Variants in RNF213 observed in about 807,000 individuals in gnomAD.
The protein encoded by RNF213 is E3 ubiquitin-protein ligase RNF213.
Under a neutral mutation model 514.4 loss-of-function variants are expected in RNF213, and 341 were observed. The ratio of observed to expected loss-of-function variants is 0.66; its 90% CI spans 0.61 to 0.73. The LOEUF is 0.73. Ranked by LOEUF, RNF213 falls within the 30% of genes least tolerant of loss-of-function variation. RNF213 has a pLI of 0.00. For synonymous variants in RNF213, 2,655 were observed against 2,658.2 expected, an observed-to-expected ratio of 1.00 and a Z score of 0.04; for missense variants, 5,767 against 6,615.6, an observed-to-expected ratio of 0.87 and a Z score of 4.45.
intron 49 of RNF213, 44 bp from the exon 50 acceptor site, chr17:80,374,414 A>G: frequency 2.5e-6 from 4 of 1,613,484 alleles, no homozygotes; most frequent in Non-Finnish European, 3.4e-6. Context: ...TCTTTGCAAG[A>G]CATTCCTCCC....
intron 37 of RNF213, among the ~76,000 whole-genome samples, chr17:80,358,843 A>G (rs967112892): frequency 2.0e-5 from 3 of 152,130 alleles, no homozygotes; most frequent in African/African-American, 7.2e-5. Context: ...TGGGAGGCGG[A>G]GGTTGCAGTG....
In RNF213 at chr17:80,345,571, T is replaced by C; in HGVS notation, c.7236T>C (p.Cys2412=). The C allele has an allele frequency of 6.2e-7, 1 of 1,613,468 alleles. No individual in the cohort carries two copies. Among genetic ancestry groups the C allele is most frequent in the Non-Finnish European group, 8.5e-7 (1 of 1,179,426 alleles). The change falls in exon 29 of 68, where the codon TGT becomes TGC. Residue 2412 remains cysteine (C), a synonymous_variant. Coordinates refer to ENST00000582970, the MANE Select transcript of RNF213 (RefSeq NM_001256071.3). The surrounding 1 kb of genome is among the most constrained non-coding windows in gnomAD (Gnocchi z 6.0). ...TTGCCATCGAGATGCGGTTCCGGTG[T>C]GGGATCCCGGTTATCATCATGGGAG... The part of the protein sequence containing the change: ...KILAIEMRFR[C]GIPVIIMGET...
chr17:80,269,654 A>C (rs1288120101), intron 2 of RNF213, among the ~76,000 whole-genome samples: 1 of 151,900 alleles, frequency 6.6e-6, no homozygotes, highest in African/African-American at 2.4e-5. Context: ...CTATTCATCC[A>C]TCAATCTATC....
rs1568117705 is a variant in RNF213, at chr17:80,353,183, G to A, written c.10423+124G>A. On this transcript the variant is annotated intron_variant, in intron 33 of 67. Coordinates refer to ENST00000582970, the MANE Select transcript of RNF213 (RefSeq NM_001256071.3). The surrounding 1 kb of genome is among the most constrained non-coding windows in gnomAD (Gnocchi z 5.0). ...GTGTTTCGTCCCTCGGCAGGAGCTCGGGGACACATCTGCAGAACTGACTGG... is the reference window on the plus strand; with the variant it reads ...GTGTTTCGTCCCTCGGCAGGAGCTCAGGGACACATCTGCAGAACTGACTGG... 21 of 1,334,830 alleles carry A rather than the reference G, an allele frequency of 1.6e-5. No individual in the cohort carries two copies. The highest frequency in any genetic ancestry group is 5.7e-5 in the African/African-American group (4 of 69,968). 82.7% of individuals were successfully genotyped at this position (1,334,830 alleles called of 1,614,324 possible).
At position 80,351,818 on chromosome 17, in the gene RNF213, T is replaced by G. The variant is rs2078529379; in HGVS notation, c.10303+15T>G. 8.2e-7 allele frequency: 1 copy of G among 1,225,930 alleles called. No homozygotes were observed. Among genetic ancestry groups the G allele is most frequent in the South Asian group, 1.2e-5 (1 of 83,058 alleles). The allele number at this position is 1,225,930 out of a possible 1,614,324, so 75.9% of individuals were successfully genotyped here. On this transcript the variant is annotated intron_variant, in intron 32 of 67. Coordinates refer to ENST00000582970, the MANE Select transcript of RNF213 (RefSeq NM_001256071.3). The stretch of plus-strand genomic sequence containing the variant: ...CTTCCACGGAGGTGAGATCAGAACA[T>G]CAGTCAGGGTATTTATTTATGTATT...
chr17:80,367,586 TCA>T (rs939623370), intron 42 of RNF213, among the ~76,000 whole-genome samples, 160 bp from the exon 43 acceptor site: 17 of 152,238 alleles, frequency 1.1e-4, no homozygotes, highest in African/African-American at 3.9e-4. Context: ...AAACGAGCAT[TCA>T]GAGTTCAAGC....
chr17:80,359,866 G>A (rs970756920), intron 37 of RNF213, among the ~76,000 whole-genome samples, 195 bp from the exon 38 acceptor site: 4 of 152,218 alleles, frequency 2.6e-5, no homozygotes, highest in African/African-American at 9.6e-5. Flanking sequence ...GTGAAACAAA[G>A]ATTGCATAAG....
chr17:80,308,410 C>CCCTCCTGAGTCCCTCCCAAGGCT (rs1478695600), intron 13 of RNF213, among the ~76,000 whole-genome samples: 3 of 151,898 alleles, frequency 2.0e-5, no homozygotes, highest in African/African-American at 7.3e-5. Flanking sequence ...CTCCTGAGTC[C>CCCTCCTGAGTCCCTCCCAAGGCT]CCTCCTGAGT....
Position 80,377,115 on chromosome 17 carries a change from G to C in RNF213, c.13510+152G>C. 1 of 676,604 alleles carries C rather than the reference G, an allele frequency of 1.5e-6. No individual in the cohort carries two copies. The highest frequency in any genetic ancestry group is 2.7e-6 in the Non-Finnish European group (1 of 372,086). The allele number at this position is 676,604 out of a possible 1,614,324, so 41.9% of individuals were successfully genotyped here. On this transcript the variant is annotated intron_variant, in intron 53 of 67. Coordinates refer to ENST00000582970, the MANE Select transcript of RNF213 (RefSeq NM_001256071.3). This position sits in a 1 kb window ranked among gnomAD's most constrained non-coding sequence, Gnocchi z 4.1. ...TCTACCGGTGGCGTCTGCAGAAGAC[G>C]AATGGCTTGAAGGAGCTGGCACTCC...
intron 62 of RNF213, 62 bp downstream of exon 62, chr17:80,386,492 G>A (rs1160696122): frequency 1.3e-6 from 2 of 1,575,140 alleles, no homozygotes; most frequent in Non-Finnish European, 1.7e-6. Flanking sequence ...AGCCCAGTGG[G>A]GCAGACACAA....
intron 60 of RNF213, 106 bp downstream of exon 60, chr17:80,385,277 G>A: frequency 1.5e-6 from 2 of 1,363,956 alleles, no homozygotes; most frequent in Non-Finnish European, 2.1e-6. Flanking sequence ...GCGCTGATGG[G>A]TGCTCTATAG....
intron 3 of RNF213, among the ~76,000 whole-genome samples, chr17:80,279,198 C>T (rs1189201039): frequency 6.6e-6 from 1 of 152,224 alleles, no homozygotes; most frequent in Non-Finnish European, 1.5e-5. Flanking sequence ...CAGCTGTCCC[C>T]TTGGACACCT....
chr17:80,346,846 C>A lies in RNF213; in HGVS notation c.8511C>A (p.Tyr2837Ter). The change falls in exon 29 of 68, where the codon TAC (tyrosine) becomes TAA (stop). Residue 2837 changes from tyrosine to a stop codon, truncating the protein, a stop_gained. Transcript: ENST00000582970. LOFTEE classifies it high-confidence loss of function. The surrounding 1 kb of genome is among the most constrained non-coding windows in gnomAD (Gnocchi z 8.1). Reference protein sequence around the residue: ...RFQQGKDLQQYVSVVVLDEVG... With the variant: ...RFQQGKDLQQ ...AGCAGGGGAAGGACCTGCAGCAGTA[C>A]GTCTCTGTGGTGGTGTTAGATGAGG... The A allele has an allele frequency of 6.2e-7, 1 of 1,614,140 alleles. No individual in the cohort carries two copies. Among genetic ancestry groups the A allele is most frequent in the Non-Finnish European group, 8.5e-7 (1 of 1,180,008 alleles).
chr17:80,339,324 ATGGACTT>A lies in RNF213; in HGVS notation c.4961_4967del (p.Asp1654AlafsTer5). On this transcript the variant is annotated frameshift_variant, in exon 26 of 68. Transcript: ENST00000582970. LOFTEE classifies it high-confidence loss of function. ...CCCCAAGCAGGGTGTGTCCCTCCAA[ATGGACTT>A]TGGCTTGGACCTGGTGACGGAGCTT... 1 of 1,537,204 alleles carries A rather than the reference ATGGACTT, an allele frequency of 6.5e-7. No individual in the cohort carries two copies. Among genetic ancestry groups the A allele is most frequent in the East Asian group, 2.4e-5 (1 of 40,908 alleles).
chr17:80,330,712 C>A (rs1164604189), intron 20 of RNF213, among the ~76,000 whole-genome samples: 2 of 152,232 alleles, frequency 1.3e-5, no homozygotes, highest in African/African-American at 2.4e-5. Context: ...CACACGCCCC[C>A]CTGCGTTATC....
At chr17:80,298,861 C>T (rs1308342046) in intron 11 of RNF213, 12 of 313,636 alleles carry the variant, frequency 3.8e-5, no homozygotes, top group Non-Finnish European at 6.2e-5. Flanking sequence ...TGCTTGTAAT[C>T]CCAGCTACTC....
At chr17:80,312,705 G>T (rs1172276516) in intron 14 of RNF213, among the ~76,000 whole-genome samples, 1 of 152,224 alleles carries the variant, frequency 6.6e-6, no homozygotes, top group Non-Finnish European at 1.5e-5. Context: ...CAGTCTCCTG[G>T]GCACAGCCTG....
intron 25 of RNF213, 103 bp downstream of exon 25, chr17:80,338,100 C>A (rs530192727): frequency 9.0e-4 from 1,255 of 1,390,134 alleles, no homozygotes; most frequent in Non-Finnish European, 1.1e-3. Context: ...TGGGATTTGA[C>A]TGATAAGAAG....
intron 37 of RNF213, among the ~76,000 whole-genome samples, chr17:80,358,866 G>A (rs755488244): frequency 6.6e-6 from 1 of 152,084 alleles, no homozygotes; most frequent in African/African-American, 2.4e-5. Flanking sequence ...CCGAGATGGC[G>A]CCACTGCACT....
Sources: gnomAD v4.1 joint callset for allele counts (sites outside exome capture counted in the v4.1 genomes callset) on GRCh38, gnomAD v4.1.1 for gene constraint, Gnocchi (gnomAD v3.1) non-coding constraint, MANE v1.5 for transcripts, NCBI Gene and HGNC (gene_info 2026-07-23, HGNC 2026-07-21) for gene names.